The following ZBTB16 variants were observed in gnomAD, a reference collection of about 807,000 sequenced individuals.
ZBTB16 encodes the protein zinc finger and BTB domain containing 16, also known as zinc finger and BTB domain-containing protein 16.
ZBTB16 carries 8 observed loss-of-function variants against 56.8 expected under a neutral mutation model. That is an observed-to-expected ratio of 0.14 (90% CI 0.08 to 0.25). The LOEUF is 0.25. Among genes scored for constraint, ZBTB16 ranks in the 10% least tolerant of loss-of-function variants. ZBTB16 has a pLI of 1.00. For synonymous variants in ZBTB16, 363 were observed against 368.5 expected (o/e 0.98, Z 0.17); for missense variants, 625 against 903.0 (o/e 0.69, Z 3.95).
chr11:114,246,536 C>G (rs1455604751), intron 5 of ZBTB16, among the ~76,000 whole-genome samples: 1 of 152,248 alleles, frequency 6.6e-6, no homozygotes, highest in South Asian at 2.1e-4. Context: ...TGATACCACA[C>G]TAATAACAGA....
At chr11:114,132,023 G>T (rs911003740) in intron 2 of ZBTB16, among the ~76,000 whole-genome samples, 10 of 152,192 alleles carry the variant, frequency 6.6e-5, no homozygotes, top group African/African-American at 2.4e-4. Flanking sequence ...GGGAGCGGCG[G>T]AAGTTAGGAA....
intron 3 of ZBTB16, among the ~76,000 whole-genome samples, chr11:114,177,108 T>C (rs147912304): frequency 6.6e-6 from 1 of 152,222 alleles, no homozygotes; most frequent in African/African-American, 2.4e-5. Flanking sequence ...TATTCTATAA[T>C]CATGATAATG....
At chr11:114,148,515 A>G (rs939065029) in intron 2 of ZBTB16, among the ~76,000 whole-genome samples, 1 of 135,296 alleles carries the variant, frequency 7.4e-6, no homozygotes, top group African/African-American at 2.7e-5. Context: ...CCTTTCTTAG[A>G]TGGAGTCTCG....
intron 3 of ZBTB16, among the ~76,000 whole-genome samples, chr11:114,158,125 C>G (rs1163499798): frequency 1.3e-5 from 2 of 152,088 alleles, no homozygotes; most frequent in African/African-American, 4.8e-5. Flanking sequence ...GTTGGCTACC[C>G]TTCCCTTGCT....
At chr11:114,193,865 T>A (rs760095787) in intron 4 of ZBTB16, among the ~76,000 whole-genome samples, 19 of 152,196 alleles carry the variant, frequency 1.2e-4, no homozygotes, top group African/African-American at 4.1e-4. Flanking sequence ...AACAATTTCC[T>A]TGATTACACC....
At chr11:114,186,817 G>A (rs1192905012) in intron 3 of ZBTB16, 135 bp from the exon 4 acceptor site, 17 of 797,628 alleles carry the variant, frequency 2.1e-5, no homozygotes, top group Non-Finnish European at 3.4e-5. Context: ...CTGAGCCATG[G>A]ATGATCCCTC....
chr11:114,106,729 C>T lies in ZBTB16; in HGVS notation c.1268+42161C>T, dbSNP rs780369772. The stretch of plus-strand genomic sequence containing the variant: ...CCTCAAGTGATCCTCCCACCTCAGC[C>T]GCCCAAAGTGCCGGGGTTACAGGCA... On this transcript the variant is annotated intron_variant, in intron 2 of 6. Transcript: ENST00000335953. 4.5e-4 allele frequency among the ~76,000 whole-genome samples: 68 copies of T among 152,158 alleles called. 3 individuals are homozygous for T. The highest frequency in any genetic ancestry group is 1.2e-3 in the Admixed American group (18 of 15,284).
chr11:114,249,262 C>A (rs1306791225), intron 6 of ZBTB16, among the ~76,000 whole-genome samples: 1 of 151,190 alleles, frequency 6.6e-6, no homozygotes, highest in Non-Finnish European at 1.5e-5. Context: ...AGTTCAAGTC[C>A]AGCCCGGCCA....
chr11:114,211,942 C>A (rs1222954916), intron 4 of ZBTB16, among the ~76,000 whole-genome samples: 1 of 152,178 alleles, frequency 6.6e-6, no homozygotes, highest in Non-Finnish European at 1.5e-5. Flanking sequence ...CTCTCATAAA[C>A]CCCAACGCTG....
At chr11:114,084,439 A>G (rs1939888705) in intron 2 of ZBTB16, among the ~76,000 whole-genome samples, 1 of 152,202 alleles carries the variant, frequency 6.6e-6, no homozygotes, top group Non-Finnish European at 1.5e-5. Flanking sequence ...AGCAACAGAG[A>G]AATGTATATC....
At chr11:114,116,219 C>T (rs1485244029) in intron 2 of ZBTB16, among the ~76,000 whole-genome samples, 1 of 152,164 alleles carries the variant, frequency 6.6e-6, no homozygotes, top group African/African-American at 2.4e-5. Flanking sequence ...TGGGGAGCCA[C>T]TGACCTGAAA....
chr11:114,101,559 T>C (rs1478056367), intron 2 of ZBTB16, among the ~76,000 whole-genome samples: 1 of 152,206 alleles, frequency 6.6e-6, no homozygotes, highest in East Asian at 1.9e-4. Context: ...TCTGTAATTT[T>C]GGAGTCAAGA....
At chr11:114,073,409 A>T (rs1939424363) in intron 2 of ZBTB16, among the ~76,000 whole-genome samples, 2 of 152,160 alleles carry the variant, frequency 1.3e-5, no homozygotes, top group Non-Finnish European at 2.9e-5. Context: ...CATAATCAGA[A>T]ATTCCCCTTT....
intron 2 of ZBTB16, among the ~76,000 whole-genome samples, chr11:114,094,896 C>T (rs1940323107): frequency 6.6e-6 from 1 of 152,256 alleles, no homozygotes; most frequent in Non-Finnish European, 1.5e-5. Flanking sequence ...ATCAGTTTCA[C>T]TGATCCTTCA....
In ZBTB16 at chr11:114,105,673, A is replaced by T. The variant is rs192433143; in HGVS notation, c.1268+41105A>T. 1.2e-3 allele frequency among the ~76,000 whole-genome samples: 187 copies of T among 152,268 alleles called. 1 individual carries two copies. The highest frequency in any genetic ancestry group is 9.9e-3 in the Admixed American group (152 of 15,298). ...CCTGAGTTCCCTCGTTTGTTTGTAA[A>T]CTGCTTAAATGAACTTTTTCCCCTG... On this transcript the variant is annotated intron_variant, in intron 2 of 6. Coordinates refer to ENST00000335953, the MANE Select transcript of ZBTB16 (RefSeq NM_006006.6).
intron 2 of ZBTB16, among the ~76,000 whole-genome samples, chr11:114,125,629 A>C (rs1032660829): frequency 6.6e-6 from 1 of 151,758 alleles, no homozygotes; most frequent in Admixed American, 6.6e-5. Context: ...TGGTTGCAGG[A>C]AAGTAGGAGG....
intron 4 of ZBTB16, among the ~76,000 whole-genome samples, chr11:114,210,449 G>A (rs916749512): frequency 6.6e-5 from 10 of 152,262 alleles, no homozygotes; most frequent in Non-Finnish European, 1.0e-4. Context: ...GAGCATCCCC[G>A]TTCAGTGGGC....
intron 4 of ZBTB16, among the ~76,000 whole-genome samples, chr11:114,207,583 CACACACA>C (rs1314718842): frequency 2.1e-5 from 3 of 141,346 alleles, no homozygotes; most frequent in African/African-American, 8.6e-5. Flanking sequence ...GCCTGATACA[CACACACA>C]ACACACACAC....
intron 4 of ZBTB16, among the ~76,000 whole-genome samples, chr11:114,207,785 T>G (rs989937982): frequency 6.6e-6 from 1 of 152,196 alleles, no homozygotes; most frequent in Non-Finnish European, 1.5e-5. Flanking sequence ...AGATAATTTT[T>G]GTATTTTTAG....
Sources: gnomAD v4.1 joint callset for allele counts (sites outside exome capture counted in the v4.1 genomes callset) on GRCh38, gnomAD v4.1.1 for gene constraint, MANE v1.5 for transcripts, NCBI Gene and HGNC (gene_info 2026-07-23, HGNC 2026-07-21) for gene names.